Variants in PHF20 observed in about 807,000 individuals in gnomAD.
PHF20 encodes PHD finger protein 20.
Under a neutral mutation model 113.5 loss-of-function variants are expected in PHF20, and 23 were observed. The ratio of observed to expected loss-of-function variants is 0.20; its 90% confidence interval spans 0.15 to 0.29. The LOEUF (loss-of-function observed/expected upper bound fraction) is 0.29, where lower values mean the gene tolerates loss of function less well. Among genes scored for constraint, PHF20 ranks in the 10% least tolerant of loss-of-function variants. PHF20 has a pLI of 1.00. For missense variants in PHF20, 943 were observed against 1,219.6 expected (o/e 0.77, Z 3.38); for synonymous variants, 434 against 457.3 (o/e 0.95, Z 0.65).
At chr20:35,944,939 T>TGAAACTGGTCACTATCC (rs1369420395) in intron 17 of PHF20, among the ~76,000 whole-genome samples, 3 of 152,188 alleles carry the variant, frequency 2.0e-5, no homozygotes, top group Non-Finnish European at 4.4e-5. Flanking sequence ...ACTGGTGTTT[T>TGAAACTGGTCACTATCC]GAAACTGGTC....
At chr20:35,873,257 C>G (rs180784948) in intron 9 of PHF20, among the ~76,000 whole-genome samples, 189 of 151,682 alleles carry the variant, frequency 1.2e-3, no homozygotes, top group African/African-American at 4.3e-3. Flanking sequence ...TGTGCCACCA[C>G]GCCCAGCTAA....
At chr20:35,874,931 C>T (rs367860887) in intron 9 of PHF20, among the ~76,000 whole-genome samples, 17 of 151,770 alleles carry the variant, frequency 1.1e-4, no homozygotes, top group East Asian at 3.9e-4. Context: ...GAGACCCTCC[C>T]TCTTCAAAAA....
intron 9 of PHF20, among the ~76,000 whole-genome samples, chr20:35,887,348 C>A (rs1170219392): frequency 1.3e-5 from 2 of 152,100 alleles, no homozygotes; most frequent in Non-Finnish European, 2.9e-5. Context: ...TAGCTTGGTC[C>A]TCTGCAAGCT....
At chr20:35,922,820 AT>A (rs2055544195) in intron 13 of PHF20, among the ~76,000 whole-genome samples, 1 of 152,192 alleles carries the variant, frequency 6.6e-6, no homozygotes, top group Non-Finnish European at 1.5e-5. Flanking sequence ...TGTAAAACAA[AT>A]TTTCACCTGT....
At chr20:35,883,040 AAAAG>A (rs2054663291) in intron 9 of PHF20, among the ~76,000 whole-genome samples, 4 of 151,432 alleles carry the variant, frequency 2.6e-5, no homozygotes, top group Non-Finnish European at 5.9e-5. Flanking sequence ...AAAAAAAAAA[AAAAG>A]AAAAAAGAAA....
At chr20:35,811,196 G>A (rs1047775917) in intron 2 of PHF20, among the ~76,000 whole-genome samples, 21 of 151,874 alleles carry the variant, frequency 1.4e-4, no homozygotes, top group Non-Finnish European at 5.9e-5. Context: ...ACAGGTGTGC[G>A]TCACCACGCC....
At chr20:35,885,320 TG>T (rs1305575526) in intron 9 of PHF20, among the ~76,000 whole-genome samples, 1 of 151,928 alleles carries the variant, frequency 6.6e-6, no homozygotes, top group Non-Finnish European at 1.5e-5. Context: ...GTGGAAAAAA[TG>T]GGGGTAAATT....
chr20:35,860,891 A>G (rs1221649932), intron 5 of PHF20, among the ~76,000 whole-genome samples: 1 of 152,144 alleles, frequency 6.6e-6, no homozygotes, highest in African/African-American at 2.4e-5. Context: ...ACTCTGCGAT[A>G]CTCAGTAAAT....
At chr20:35,871,383 G>C (rs994755985) in intron 8 of PHF20, among the ~76,000 whole-genome samples, 4 of 152,152 alleles carry the variant, frequency 2.6e-5, no homozygotes, top group Admixed American at 1.3e-4. Flanking sequence ...TACACTGTTC[G>C]AAGAGCCCTG....
At chr20:35,856,097 C>T (rs1014777694) in intron 4 of PHF20, among the ~76,000 whole-genome samples, 8 of 152,196 alleles carry the variant, frequency 5.3e-5, no homozygotes, top group South Asian at 4.1e-4. Flanking sequence ...ACACGTTCCC[C>T]CACCCCTGCC....
chr20:35,914,679 TGGTGGCCAGGCGC>T (rs1437136932), intron 12 of PHF20, among the ~76,000 whole-genome samples: 3 of 152,048 alleles, frequency 2.0e-5, no homozygotes, highest in Non-Finnish European at 2.9e-5. Context: ...ATGTAAAAAT[TGGTGGCCAGGCGC>T]GGTGGCTCAC....
At chr20:35,804,579 C>G (rs2041847131) in intron 2 of PHF20, among the ~76,000 whole-genome samples, 1 of 152,058 alleles carries the variant, frequency 6.6e-6, no homozygotes, top group East Asian at 1.9e-4. Flanking sequence ...GCCATTTTGG[C>G]CAGGCTGGTC....
At chr20:35,877,580 CTT>C (rs1188827033) in intron 9 of PHF20, among the ~76,000 whole-genome samples, 20 of 140,740 alleles carry the variant, frequency 1.4e-4, no homozygotes, top group Admixed American at 2.9e-4. Flanking sequence ...CTCCCACTTT[CTT>C]TTTTTTTTTT....
intron 2 of PHF20, among the ~76,000 whole-genome samples, chr20:35,813,728 C>T (rs1404375360): frequency 6.6e-6 from 1 of 151,870 alleles, no homozygotes; most frequent in South Asian, 2.1e-4. Context: ...CGTGGTGGCA[C>T]GCACTTGTAG....
intron 1 of PHF20, among the ~76,000 whole-genome samples, chr20:35,800,435 AACAAAC>A (rs1358284002): frequency 2.0e-5 from 3 of 152,136 alleles, no homozygotes; most frequent in African/African-American, 7.2e-5. Context: ...AAAACAAACC[AACAAAC>A]AAAAAAAGAA....
At chr20:35,796,906 C>T (rs2041676979) in intron 1 of PHF20, among the ~76,000 whole-genome samples, 1 of 152,116 alleles carries the variant, frequency 6.6e-6, no homozygotes, top group Non-Finnish European at 1.5e-5. Flanking sequence ...ACTTGTATAC[C>T]ATGGTAACAT....
chr20:35,887,737 A>G (rs1293110327), intron 9 of PHF20: 1 of 151,878 alleles, frequency 6.6e-6, no homozygotes, highest in African/African-American at 2.4e-5. Flanking sequence ...AATTTTCCCA[A>G]TACACCAAAG....
chr20:35,888,315 C>A (rs2054777086), intron 9 of PHF20, among the ~76,000 whole-genome samples: 1 of 151,978 alleles, frequency 6.6e-6, no homozygotes, highest in Admixed American at 6.6e-5. Flanking sequence ...AATTTGTGGA[C>A]CATTTTTCTC....
intron 2 of PHF20, among the ~76,000 whole-genome samples, chr20:35,806,669 T>C (rs1316104168): frequency 1.3e-5 from 2 of 152,230 alleles, no homozygotes; most frequent in Non-Finnish European, 2.9e-5. Context: ...GTCTATTCCA[T>C]TGATTTATGT....
Sources: gnomAD v4.1 joint callset for allele counts (sites outside exome capture counted in the v4.1 genomes callset) on GRCh38, gnomAD v4.1.1 for gene constraint, MANE v1.5 for transcripts, NCBI Gene and HGNC (gene_info 2026-07-23, HGNC 2026-07-21) for gene names.